ARAP2: variants seen among roughly 807,000 people sequenced by gnomAD.
The protein encoded by ARAP2 is arf-GAP with Rho-GAP domain, ANK repeat and PH domain-containing protein 2.
In ARAP2, 148 loss-of-function variants were observed where a neutral mutation model predicts 194.5. The ratio of observed to expected loss-of-function variants is 0.76; its 90% CI spans 0.67 to 0.87. The LOEUF (loss-of-function observed/expected upper bound fraction) is 0.87. ARAP2 is among the 40% of genes least tolerant of loss of function. The pLI is 0.00. For missense variants in ARAP2, 2,128 were observed against 1,989.7 expected, an observed-to-expected ratio of 1.07 and a Z score of -1.32; for synonymous variants, 695 against 683.5, an observed-to-expected ratio of 1.02 and a Z score of -0.26.
At chr4:36,034,647 C>G (rs1165080726) in intron 5 of ARAP2, among the ~76,000 whole-genome samples, 1 of 151,964 alleles carries the variant, frequency 6.6e-6, no homozygotes, top group African/African-American at 2.4e-5. Flanking sequence ...ATATCCAGCA[C>G]TATGTTGAAT....
intron 8 of ARAP2, among the ~76,000 whole-genome samples, chr4:36,185,888 C>T (rs750862285): frequency 2.0e-5 from 3 of 150,942 alleles, no homozygotes; most frequent in Non-Finnish European, 4.4e-5. Context: ...TGAGCCAGGA[C>T]AATCGCTTGA....
At chr4:36,007,938 T>C (rs966416326) in intron 9 of ARAP2, among the ~76,000 whole-genome samples, 12 of 152,192 alleles carry the variant, frequency 7.9e-5, no homozygotes, top group African/African-American at 2.9e-4. Flanking sequence ...GCAATCTCTT[T>C]CATAATTGCC....
In ARAP2 at chr4:36,177,827, C is replaced by G; in HGVS notation, c.1857G>C (p.Gln619His). 1 of 1,597,722 alleles carries G rather than the reference C, an allele frequency of 6.3e-7. No homozygotes were observed. The highest frequency in any genetic ancestry group is 8.5e-7 in the Non-Finnish European group (1 of 1,173,728). Residue 619 changes from glutamine (Q) to histidine (H), a missense_variant and splice_region_variant, in exon 9 of 33, where the codon CAG becomes CAC. Coordinates refer to ENST00000303965, the MANE Select transcript of ARAP2 (RefSeq NM_015230.4). ...TTGCAATGACTATAACAGAGCTCAC[C>G]TGTTCGTTTTTGCAAAGCCACACAC... ...GNSVWLCKNE[Q>H]DFKSGLGITI...
rs529846248 is a variant in ARAP2 at position 36,219,440 on chromosome 4, A to G, written c.906-4960T>C. On this transcript the variant is annotated intron_variant, in intron 2 of 32. Coordinates refer to ENST00000303965, the MANE Select transcript of ARAP2 (RefSeq NM_015230.4). ...GGACCTGCTGTGTGACTCCATTTAT[A>G]TAAAATTCCCAAATAGGCAAAACTA... Among the ~76,000 whole-genome samples, 4 of 152,350 alleles carry G rather than the reference A, an allele frequency of 2.6e-5. No homozygotes were observed. The East Asian group carries it at 7.7e-4, about 29-fold the overall frequency.
intron 1 of ARAP2, among the ~76,000 whole-genome samples, chr4:36,243,062 C>T (rs975861255): frequency 1.3e-5 from 2 of 151,634 alleles, no homozygotes; most frequent in South Asian, 4.2e-4. Flanking sequence ...CAATATTTCT[C>T]CTGTAAGTGT....
chr4:36,100,864 A>G (rs1716709126), intron 27 of ARAP2, among the ~76,000 whole-genome samples: 1 of 151,992 alleles, frequency 6.6e-6, no homozygotes, highest in African/African-American at 2.4e-5. Flanking sequence ...TCAAGAAAGT[A>G]ATCTATTTCT....
At chr4:36,042,461 T>C (rs1721029338) in intron 5 of ARAP2, among the ~76,000 whole-genome samples, 1 of 152,222 alleles carries the variant, frequency 6.6e-6, no homozygotes, top group South Asian at 2.1e-4. Flanking sequence ...GACTTTAACC[T>C]TATGGGACTT....
chr4:36,165,141 C>G (rs1036176468), intron 10 of ARAP2, 28 bp from the exon 11 acceptor site: 2 of 1,611,334 alleles, frequency 1.2e-6, no homozygotes, highest in African/African-American at 2.7e-5. Context: ...TCTGTGTTAT[C>G]GATCTCCCTT....
intron 1 of ARAP2, among the ~76,000 whole-genome samples, chr4:36,242,953 C>T (rs1012219947): frequency 6.6e-6 from 1 of 152,094 alleles, no homozygotes; most frequent in South Asian, 2.1e-4. Flanking sequence ...AGAAAGAAGC[C>T]AGGAAGATAT....
At chr4:36,155,620 G>A (rs1454378454) in intron 15 of ARAP2, among the ~76,000 whole-genome samples, 1 of 151,318 alleles carries the variant, frequency 6.6e-6, no homozygotes, top group Non-Finnish European at 1.5e-5. Flanking sequence ...AAGGGAGGGA[G>A]GTACAAGAAG....
intron 9 of ARAP2, among the ~76,000 whole-genome samples, chr4:36,173,756 AC>A (rs1243811488): frequency 6.6e-6 from 1 of 152,194 alleles, no homozygotes; most frequent in Non-Finnish European, 1.5e-5. Context: ...AGTTCACCCT[AC>A]CTATGTTTAC....
At chr4:36,146,586 T>C (rs1729670452) in intron 19 of ARAP2, among the ~76,000 whole-genome samples, 1 of 152,064 alleles carries the variant, frequency 6.6e-6, no homozygotes, top group African/African-American at 2.4e-5. Flanking sequence ...TGAAATACTC[T>C]ATCTGGATTA....
chr4:36,083,409 C>T lies in ARAP2; in HGVS notation c.4467G>A (p.Lys1489=). ...TTTTCTTTTTCACTCCACGATAAAA[C>T]TTCATGGAACTGAGAGAAAACATCT... ...HDKMFSLSSM[K]FYRGVKKKMK... is the part of the protein sequence containing the mutation. Residue 1489 remains lysine, a synonymous_variant, in exon 29 of 33, where the codon AAG becomes AAA. Transcript: ENST00000303965. 1 of 1,608,044 alleles carries T rather than the reference C, an allele frequency of 6.2e-7. No homozygotes were observed.
At chr4:36,171,416 A>G (rs1302300761) in intron 9 of ARAP2, among the ~76,000 whole-genome samples, 6 of 152,242 alleles carry the variant, frequency 3.9e-5, no homozygotes, top group Non-Finnish European at 8.8e-5. Context: ...AAACTATCGC[A>G]AGGACAAAAA....
chr4:36,105,165 C>CA (rs1361135747), intron 27 of ARAP2, among the ~76,000 whole-genome samples: 1 of 151,918 alleles, frequency 6.6e-6, no homozygotes, highest in Non-Finnish European at 1.5e-5. Context: ...AATAAAAATA[C>CA]AAAAAATAGA....
At chr4:36,189,916 C>A (rs942551923) in intron 7 of ARAP2, among the ~76,000 whole-genome samples, 4 of 152,178 alleles carry the variant, frequency 2.6e-5, no homozygotes, top group African/African-American at 9.7e-5. Context: ...CTCTTCCAGT[C>A]CATCTGAAAT....
At chr4:36,128,918 T>G (rs968722541) in intron 20 of ARAP2, among the ~76,000 whole-genome samples, 173 bp from the exon 21 acceptor site, 1 of 151,978 alleles carries the variant, frequency 6.6e-6, no homozygotes, top group Non-Finnish European at 1.5e-5. Context: ...GATTTTAGTA[T>G]TTAAAATGTA....
At chr4:36,230,522 A>T (rs1170897077) in intron 1 of ARAP2, among the ~76,000 whole-genome samples, 1 of 152,228 alleles carries the variant, frequency 6.6e-6, no homozygotes, top group Non-Finnish European at 1.5e-5. Flanking sequence ...GAAAGGTCAC[A>T]TGTCCTCCAA....
At chr4:36,179,933 T>C (rs902248576) in intron 8 of ARAP2, among the ~76,000 whole-genome samples, 11 of 152,212 alleles carry the variant, frequency 7.2e-5, no homozygotes, top group Non-Finnish European at 2.9e-5. Flanking sequence ...ATTAAAAAAC[T>C]CATTCGATAG....
Sources: allele counts gnomAD v4.1 joint callset (sites outside exome capture counted in the v4.1 genomes callset), GRCh38; gene constraint gnomAD v4.1.1; transcripts MANE v1.5; gene names NCBI Gene and HGNC (gene_info 2026-07-23, HGNC 2026-07-21).